RTTN: variants seen among roughly 807,000 people sequenced by gnomAD.
RTTN encodes the protein rotatin.
In RTTN, 182 loss-of-function variants were observed where a neutral mutation model predicts 269.2. The observed-to-expected ratio is 0.68, with a 90% confidence interval of 0.60 to 0.76. The LOEUF (loss-of-function observed/expected upper bound fraction) is 0.76, where lower values mean the gene tolerates loss of function less well. Ranked by LOEUF, RTTN falls within the 30% of genes least tolerant of loss-of-function variation. The pLI, the probability that RTTN is intolerant of heterozygous loss-of-function variation, is 0.00. For synonymous variants in RTTN, 1,006 were observed against 963.5 expected (o/e 1.04, Z -0.82); for missense variants, 2,545 against 2,608.6 (o/e 0.98, Z 0.53).
chr18:70,092,827 T>G, intron 28 of RTTN, 23 bp from the exon 29 acceptor site: 8 of 1,590,166 alleles, frequency 5.0e-6, no homozygotes, highest in Non-Finnish European at 6.9e-6. Flanking sequence ...TGTAAACAAT[T>G]TCATGGTGGC....
intron 46 of RTTN, among the ~76,000 whole-genome samples, chr18:70,011,210 A>T (rs1488403021): frequency 6.6e-6 from 1 of 152,200 alleles, no homozygotes; most frequent in African/African-American, 2.4e-5. Flanking sequence ...TCAATAGAAA[A>T]AGAGGGAATC....
chr18:70,079,261 T>A (rs1200574060), intron 32 of RTTN, among the ~76,000 whole-genome samples: 1 of 152,090 alleles, frequency 6.6e-6, no homozygotes, highest in Admixed American at 6.6e-5. Context: ...AATTAGTGCA[T>A]TCAAAATATT....
chr18:70,171,173 T>G (rs1176537813), intron 11 of RTTN, among the ~76,000 whole-genome samples: 1 of 152,210 alleles, frequency 6.6e-6, no homozygotes, highest in Non-Finnish European at 1.5e-5. Context: ...TAGATGGCAT[T>G]TAACAATCAC....
chr18:70,110,677 C>T (rs1232063914), intron 27 of RTTN, among the ~76,000 whole-genome samples: 2 of 152,158 alleles, frequency 1.3e-5, no homozygotes, highest in Non-Finnish European at 2.9e-5. Context: ...TTTTCCCATA[C>T]CCCAGTGGCG....
chr18:70,110,841 G>A (rs946233017), intron 27 of RTTN, among the ~76,000 whole-genome samples: 2 of 152,232 alleles, frequency 1.3e-5, no homozygotes. Context: ...CACAGCAGCA[G>A]TCTGAGATTG....
At chr18:70,189,251 A>C (rs1454671624) in intron 9 of RTTN, among the ~76,000 whole-genome samples, 1 of 152,234 alleles carries the variant, frequency 6.6e-6, no homozygotes, top group East Asian at 1.9e-4. Context: ...AGTTCCAGCT[A>C]GTAGAAGCAC....
rs34533087 is a variant in RTTN, at chr18:70,114,547, T to C, written c.3581A>G (p.Glu1194Gly). 1.0e-3 allele frequency: 1,670 copies of C among 1,613,704 alleles called. 14 individuals carry two copies. In the African/African-American group the frequency reaches 0.018, roughly 18 times the overall value. ...LLVLTESQAR[E>G]ETDDIRTAVR... ...AGCAGTCCGGATATCATCTGTTTCT[T>C]CTCGTGCCTGTGACTCTGTCAGAAC... Residue 1194 changes from glutamate to glycine, a missense_variant, in exon 27 of 49, where the codon GAA (glutamate) becomes GGA (glycine). Transcript: ENST00000640769.
chr18:70,203,019 A>ATGT (rs1469402712), intron 3 of RTTN, among the ~76,000 whole-genome samples: 4 of 150,690 alleles, frequency 2.7e-5, no homozygotes, highest in African/African-American at 9.8e-5. Context: ...TTGCATGAAG[A>ATGT]TGTTTTTCTT....
intron 3 of RTTN, among the ~76,000 whole-genome samples, chr18:70,203,181 T>C (rs2061994311): frequency 6.6e-6 from 1 of 151,904 alleles, no homozygotes; most frequent in Non-Finnish European, 1.5e-5. Flanking sequence ...TCTAATCTCA[T>C]GACGATTCTA....
chr18:70,159,766 A>G (rs2060777631), intron 14 of RTTN, among the ~76,000 whole-genome samples: 1 of 152,274 alleles, frequency 6.6e-6, no homozygotes, highest in African/African-American at 2.4e-5. Context: ...GACCCCACAG[A>G]AAGACCCTCA....
chr18:70,121,534 C>T (rs1462522023), intron 26 of RTTN, 22 bp downstream of exon 26: 5 of 1,521,770 alleles, frequency 3.3e-6, no homozygotes, highest in Non-Finnish European at 4.4e-6. Context: ...ACTTAAAATC[C>T]AAATTCCTTA....
intron 25 of RTTN, 104 bp downstream of exon 25, chr18:70,127,398 T>C (rs779785388): frequency 7.9e-5 from 102 of 1,289,482 alleles, no homozygotes; most frequent in Non-Finnish European, 1.0e-4. Context: ...CTTTCTATGA[T>C]AGCAGCAGTA....
rs370922823 is a variant in RTTN at position 70,188,217 on chromosome 18, C to T, written c.1196G>A (p.Arg399Lys). 3.8e-6 allele frequency: 6 copies of T among 1,570,492 alleles called. No individual in the cohort carries two copies. The African/African-American group carries it at 8.1e-5, about 21-fold the overall frequency. The change falls in exon 10 of 49, where the codon AGA becomes AAA. Residue 399 changes from arginine (R) to lysine (K), a missense_variant. By Grantham distance (26) the Arg-to-Lys change is conservative (BLOSUM62 2). Transcript: ENST00000640769. Reference protein sequence around the residue: ...SAVPLLRTGSRQVIIRVLELL... With the variant: ...SAVPLLRTGSKQVIIRVLELL... ...TTCCAGAACTCTTATTATCACTTGT[C>T]TGCTACCTAGGAATACAAACAGAAA...
intron 32 of RTTN, among the ~76,000 whole-genome samples, chr18:70,081,030 G>A (rs2058554358): frequency 6.6e-6 from 1 of 151,984 alleles, no homozygotes; most frequent in South Asian, 2.1e-4. Flanking sequence ...GCAGTGATCT[G>A]GATGAGATTG....
chr18:70,083,138 GC>G (rs1470057587), intron 32 of RTTN, among the ~76,000 whole-genome samples: 1 of 152,166 alleles, frequency 6.6e-6, no homozygotes, highest in African/African-American at 2.4e-5. Context: ...CTCATATCCA[GC>G]AGGGGCCTGG....
At chr18:70,184,717 TGTGTG>T (rs1365079896) in intron 10 of RTTN, among the ~76,000 whole-genome samples, 8 of 19,050 alleles carry the variant, frequency 4.2e-4, no homozygotes, top group African/African-American at 5.4e-4. Context: ...TTTTTTTTTT[TGTGTG>T]TGTGTGTGTG....
rs567302098 is a variant in RTTN at position 70,185,953 on chromosome 18, T to A, written c.1305+2155A>T. ...GAATACTTAAGAATAAGTGTTTTTT[T>A]AAAAAAAAACCTAGACTTGCTCTCT... On this transcript the variant is annotated intron_variant, in intron 10 of 48. Coordinates refer to ENST00000640769, the MANE Select transcript of RTTN (RefSeq NM_173630.4). Among the ~76,000 whole-genome samples, 34 of 149,374 alleles carry A rather than the reference T, an allele frequency of 2.3e-4. No individual in the cohort carries two copies. In the East Asian group the frequency reaches 3.4e-3, roughly 15 times the overall value.
chr18:70,030,555 T>G (rs1282112702), intron 41 of RTTN, among the ~76,000 whole-genome samples: 1 of 152,182 alleles, frequency 6.6e-6, no homozygotes, highest in Admixed American at 6.5e-5. Context: ...AGGTATGCAG[T>G]GAGTGCTTCT....
chr18:70,149,075 T>C, intron 16 of RTTN, 38 bp from the exon 17 acceptor site: 3 of 1,579,880 alleles, frequency 1.9e-6, no homozygotes, highest in Non-Finnish European at 2.6e-6. Flanking sequence ...TATTGTCTAA[T>C]TGTATACATA....
Sources: gnomAD v4.1 joint callset for allele counts (sites outside exome capture counted in the v4.1 genomes callset) on GRCh38, gnomAD v4.1.1 for gene constraint, MANE v1.5 for transcripts, NCBI Gene and HGNC (gene_info 2026-07-23, HGNC 2026-07-21) for gene names.